The following IL1RAPL1 variants were observed in gnomAD, a reference collection of about 807,000 sequenced individuals.
The protein encoded by IL1RAPL1 is interleukin 1 receptor accessory protein like 1.
In IL1RAPL1, 3 loss-of-function variants were observed where a neutral mutation model predicts 48.4. The observed-to-expected ratio is 0.06, with a 90% CI of 0.03 to 0.16. The LOEUF (loss-of-function observed/expected upper bound fraction) is 0.16. Among genes scored for constraint, IL1RAPL1 ranks in the 10% least tolerant of loss-of-function variants. The probability of loss-of-function intolerance (pLI) is 1.00; values close to 1 mark genes in which losing one functional copy is unlikely to be tolerated. For missense variants in IL1RAPL1, 349 were observed against 530.6 expected (o/e 0.66, Z 3.36); for synonymous variants, 185 against 187.7 (o/e 0.99, Z 0.12).
At chrX:28,932,699 T>C (rs892820635) in intron 2 of IL1RAPL1, among the ~76,000 whole-genome samples, 112 of 108,170 alleles carry the variant, frequency 1.0e-3, no homozygotes, top group African/African-American at 3.3e-3. Flanking sequence ...ATAGCTGTCT[T>C]TACACTTTTT....
At chrX:29,900,352 A>AACAT (rs1339205816) in intron 6 of IL1RAPL1, among the ~76,000 whole-genome samples, 2 of 112,390 alleles carry the variant, frequency 1.8e-5, no homozygotes, top group South Asian at 3.7e-4. Context: ...TATTTTTAAA[A>AACAT]ACATAAGAAA....
chrX:29,867,139 TTG>T (rs1931710614), intron 6 of IL1RAPL1, among the ~76,000 whole-genome samples: 1 of 109,382 alleles, frequency 9.1e-6, no homozygotes, highest in Non-Finnish European at 1.9e-5. Context: ...AAAATATATA[TTG>T]GTAAAAAAAA....
At chrX:28,726,809 G>T (rs6630740) in intron 1 of IL1RAPL1, among the ~76,000 whole-genome samples, 12,680 of 110,877 alleles carry the variant, frequency 0.11, 1,487 homozygotes, top group African/African-American at 0.34. Flanking sequence ...GTGAATGGAA[G>T]AGTGTGATTT....
At chrX:29,105,699 T>C (rs751663136) in intron 2 of IL1RAPL1, among the ~76,000 whole-genome samples, 1 of 111,827 alleles carries the variant, frequency 8.9e-6, no homozygotes, top group Admixed American at 9.5e-5. Context: ...TGCTTGTCAA[T>C]TGTAAATGTG....
intron 2 of IL1RAPL1, among the ~76,000 whole-genome samples, chrX:28,858,994 G>A (rs1009098981): frequency 8.9e-6 from 1 of 112,027 alleles, no homozygotes; most frequent in Non-Finnish European, 1.9e-5. Context: ...TGATAAATAT[G>A]TTAAGGATCA....
At chrX:29,431,399 T>G (rs781020607) in intron 5 of IL1RAPL1, among the ~76,000 whole-genome samples, 1 of 112,164 alleles carries the variant, frequency 8.9e-6, no homozygotes, top group South Asian at 3.7e-4. Flanking sequence ...CTTCAAGGTA[T>G]GCTAATGACT....
intron 1 of IL1RAPL1, among the ~76,000 whole-genome samples, chrX:28,611,319 A>C (rs957988366): frequency 1.8e-5 from 2 of 111,613 alleles, no homozygotes; most frequent in Admixed American, 9.6e-5. Flanking sequence ...GAGAGCCATC[A>C]TTTATTGAGT....
chrX:28,875,784 G>A (rs928250329), intron 2 of IL1RAPL1, among the ~76,000 whole-genome samples: 1 of 111,538 alleles, frequency 9.0e-6, no homozygotes, highest in Non-Finnish European at 1.9e-5. Context: ...GATGATCAGA[G>A]GCCAAAAAAG....
chrX:29,802,843 A>G (rs185476738), intron 6 of IL1RAPL1, among the ~76,000 whole-genome samples: 36 of 26,858 alleles, frequency 1.3e-3, no homozygotes, highest in Admixed American at 8.9e-3. Context: ...ATATGTATAC[A>G]TATATGTGTA....
At chrX:29,786,222 G>A (rs1201569434) in intron 6 of IL1RAPL1, among the ~76,000 whole-genome samples, 1 of 111,252 alleles carries the variant, frequency 9.0e-6, no homozygotes, top group Admixed American at 9.6e-5. Flanking sequence ...CTCATCGAAC[G>A]TACACTTACT....
At chrX:29,623,261 G>A (rs1296333376) in intron 5 of IL1RAPL1, among the ~76,000 whole-genome samples, 3 of 105,552 alleles carry the variant, frequency 2.8e-5, no homozygotes, top group Non-Finnish European at 5.9e-5. Context: ...CAGCCTGGGC[G>A]ACAGACTGAG....
chrX:28,759,655 C>T (rs771750418), intron 1 of IL1RAPL1, among the ~76,000 whole-genome samples: 1 of 111,829 alleles, frequency 8.9e-6, no homozygotes, highest in South Asian at 3.7e-4. Flanking sequence ...ATTGGAAATA[C>T]ATAAATATTA....
intron 1 of IL1RAPL1, among the ~76,000 whole-genome samples, chrX:28,600,764 C>G (rs1390067738): frequency 1.8e-5 from 2 of 111,233 alleles, no homozygotes; most frequent in East Asian, 2.8e-4. Context: ...TGGAGGGGAA[C>G]TAGTTTTGAA....
At chrX:28,625,005 A>G (rs949051912) in intron 1 of IL1RAPL1, among the ~76,000 whole-genome samples, 3 of 111,930 alleles carry the variant, frequency 2.7e-5, no homozygotes, top group African/African-American at 9.7e-5. Context: ...GAATTATAGG[A>G]TGGGATCACT....
chrX:29,113,514 A>G (rs1279209518), intron 2 of IL1RAPL1, among the ~76,000 whole-genome samples: 2 of 112,086 alleles, frequency 1.8e-5, no homozygotes, highest in Non-Finnish European at 3.8e-5. Context: ...GAGGCTACTT[A>G]CCCATTAGCA....
At chrX:29,580,889 T>C (rs1329295981) in intron 5 of IL1RAPL1, among the ~76,000 whole-genome samples, 2 of 112,336 alleles carry the variant, frequency 1.8e-5, no homozygotes, top group African/African-American at 6.5e-5. Flanking sequence ...CTACTCTATT[T>C]GTGAATGTGA....
At chrX:28,836,177 A>G (rs1271891250) in intron 2 of IL1RAPL1, among the ~76,000 whole-genome samples, 1 of 109,735 alleles carries the variant, frequency 9.1e-6, no homozygotes, top group African/African-American at 3.3e-5. Flanking sequence ...AACAGCTGCT[A>G]TCAGATTAAT....
chrX:29,114,358 A>G (rs1249024263), intron 2 of IL1RAPL1, among the ~76,000 whole-genome samples: 2 of 112,072 alleles, frequency 1.8e-5, no homozygotes, highest in African/African-American at 3.2e-5. Context: ...CTGTGTTTCA[A>G]AAAATGTGTT....
intron 2 of IL1RAPL1, among the ~76,000 whole-genome samples, chrX:29,025,866 T>C (rs908995096): frequency 9.0e-5 from 10 of 111,629 alleles, no homozygotes; most frequent in Non-Finnish European, 1.9e-4. Flanking sequence ...ACAGAGATGC[T>C]TATTTTATGT....
Sources: gnomAD v4.1 joint callset for allele counts (sites outside exome capture counted in the v4.1 genomes callset) on GRCh38, gnomAD v4.1.1 for gene constraint, MANE v1.5 for transcripts, NCBI Gene and HGNC (gene_info 2026-07-23, HGNC 2026-07-21) for gene names.